Variants in CDH4 observed in about 807,000 individuals in gnomAD.
The protein encoded by CDH4 is cadherin 4, also known as cadherin-4.
A neutral mutation model predicts 86.0 loss-of-function variants in CDH4; 33 were observed. That is an observed-to-expected ratio of 0.38 (90% CI 0.29 to 0.51). The LOEUF (loss-of-function observed/expected upper bound fraction) is 0.51. CDH4 is among the 20% of genes least tolerant of loss of function. The pLI, the probability that CDH4 is intolerant of heterozygous loss-of-function variation, is 0.86. For synonymous variants in CDH4, 555 were observed against 549.4 expected, an observed-to-expected ratio of 1.01 and a Z score of -0.14; for missense variants, 1,114 against 1,307.4, an observed-to-expected ratio of 0.85 and a Z score of 2.28.
At chr20:61,750,689 G>A (rs6142677) in intron 3 of CDH4, among the ~76,000 whole-genome samples, 42,481 of 152,036 alleles carry the variant, frequency 0.28, 6,641 homozygotes, top group South Asian at 0.41. Flanking sequence ...TAGAATAAAT[G>A]AAACTGACAT....
intron 2 of CDH4, among the ~76,000 whole-genome samples, chr20:61,486,830 A>G (rs549196119): frequency 1.3e-5 from 2 of 152,300 alleles, no homozygotes; most frequent in South Asian, 4.2e-4. Flanking sequence ...TCAAGGTTCC[A>G]ATGAACTATG....
intron 2 of CDH4, among the ~76,000 whole-genome samples, chr20:61,315,766 C>T (rs1021420744): frequency 2.0e-5 from 3 of 152,186 alleles, no homozygotes; most frequent in Admixed American, 6.5e-5. Flanking sequence ...TGCAGTGGTG[C>T]GATCATAGCT....
rs1983905003 is a variant in CDH4, at chr20:61,873,795, G to A, written c.945G>A (p.Arg315=). The A allele has an allele frequency of 6.2e-7, 1 of 1,613,954 alleles. No individual in the cohort carries two copies. The highest frequency in any genetic ancestry group is 1.3e-5 in the African/African-American group (1 of 74,952). The change falls in exon 7 of 16, where the codon CGG becomes CGA. Residue 315 remains arginine, a synonymous_variant. Coordinates refer to ENST00000614565, the MANE Select transcript of CDH4 (RefSeq NM_001794.5). The part of the protein sequence containing the change: ...DDSTTANGMV[R]YRIVTQTPQS... Reference sequence around the variant, plus strand: ...GCACCACGGCCAACGGGATGGTGCGGTACCGGATCGTGACCCAGACCCCAC... The same window carrying A: ...GCACCACGGCCAACGGGATGGTGCGATACCGGATCGTGACCCAGACCCCAC...
chr20:61,851,535 C>T (rs536195243), intron 5 of CDH4, among the ~76,000 whole-genome samples: 5 of 152,330 alleles, frequency 3.3e-5, no homozygotes, highest in African/African-American at 1.2e-4. Flanking sequence ...CCACCCTGGG[C>T]TGGGTGATGT....
At position 61,377,525 on chromosome 20, in the gene CDH4, G is replaced by T. The variant is rs149750011; in HGVS notation, c.169+122588G>T. On this transcript the variant is annotated intron_variant, in intron 2 of 15. Transcript: ENST00000614565. This position sits in a 1 kb window ranked among gnomAD's most constrained non-coding sequence, Gnocchi z 4.0. ...TGTATAAAGAGGAGGCTGTGGTTAC[G>T]GTGACCTTCAAATGTCCTTGTTAAA... 1.3e-5 allele frequency among the ~76,000 whole-genome samples: 2 copies of T among 152,136 alleles called. No homozygotes were observed. Among genetic ancestry groups the T allele is most frequent in the African/African-American group, 4.8e-5 (2 of 41,434 alleles).
intron 2 of CDH4, among the ~76,000 whole-genome samples, chr20:61,598,287 C>T (rs2086571206): frequency 6.6e-6 from 1 of 151,998 alleles, no homozygotes; most frequent in East Asian, 1.9e-4. Flanking sequence ...CTGCCTGCTT[C>T]CCATGCCTGC....
chr20:61,324,274 A>G (rs138224833), intron 2 of CDH4, among the ~76,000 whole-genome samples: 1 of 152,336 alleles, frequency 6.6e-6, no homozygotes, highest in African/African-American at 2.4e-5. Flanking sequence ...GAATTTGAAT[A>G]TTAAATTGAA....
chr20:61,625,520 A>G (rs946627335), intron 2 of CDH4, among the ~76,000 whole-genome samples: 3 of 152,176 alleles, frequency 2.0e-5, no homozygotes, highest in African/African-American at 7.2e-5. Flanking sequence ...TAGGGTCAGG[A>G]ATAACGATCA....
chr20:61,542,017 G>A (rs893022266), intron 2 of CDH4, among the ~76,000 whole-genome samples: 1 of 152,174 alleles, frequency 6.6e-6, no homozygotes. Context: ...CCATTTAACT[G>A]ACCTTGAGCC....
At chr20:61,724,811 A>G (rs1434294377) in intron 2 of CDH4, among the ~76,000 whole-genome samples, 1 of 152,154 alleles carries the variant, frequency 6.6e-6, no homozygotes, top group Admixed American at 6.5e-5. Flanking sequence ...ATTTGTTTTT[A>G]ATTTAAAAAA....
rs1236336200 is a variant in CDH4, at chr20:61,623,668, G to A, written c.170-119895G>A. Among the ~76,000 whole-genome samples the A allele has an allele frequency of 6.6e-6, 1 of 152,130 alleles. No homozygotes were observed. The highest frequency in any genetic ancestry group is 2.1e-4 in the South Asian group (1 of 4,832). On this transcript the variant is annotated intron_variant, in intron 2 of 15. Coordinates refer to ENST00000614565, the MANE Select transcript of CDH4 (RefSeq NM_001794.5). This position sits in a 1 kb window ranked among gnomAD's most constrained non-coding sequence, Gnocchi z 4.4. ...CTGAGGGAGGTTCTGACGTCACCAC[G>A]CAGCCCTGGGGACCAGCCATCCCCA...
chr20:61,750,231 TC>T (rs1209271467), intron 3 of CDH4, among the ~76,000 whole-genome samples: 1 of 152,110 alleles, frequency 6.6e-6, no homozygotes, highest in Non-Finnish European at 1.5e-5. Context: ...ACAAGGCTGA[TC>T]AGACTGAGCA....
chr20:61,404,824 G>A (rs192544215), intron 2 of CDH4, among the ~76,000 whole-genome samples: 118 of 152,176 alleles, frequency 7.8e-4, no homozygotes, highest in Non-Finnish European at 1.5e-3. Flanking sequence ...GCTGAGGCAG[G>A]TGAATCATAA....
intron 2 of CDH4, among the ~76,000 whole-genome samples, chr20:61,661,714 G>A (rs73148369): frequency 0.056 from 8,550 of 152,150 alleles, 277 homozygotes; most frequent in East Asian, 0.14. Context: ...TTGCAAAGAC[G>A]TCACAGCCAC....
At chr20:61,745,085 G>C (rs138250226) in intron 3 of CDH4, among the ~76,000 whole-genome samples, 98 of 152,350 alleles carry the variant, frequency 6.4e-4, no homozygotes, top group African/African-American at 2.3e-3. Context: ...GGGGTCGTTT[G>C]AGATACGGTG....
intron 4 of CDH4, among the ~76,000 whole-genome samples, chr20:61,839,730 G>T (rs987817244): frequency 1.2e-4 from 18 of 151,668 alleles, no homozygotes; most frequent in Non-Finnish European, 1.5e-5. Flanking sequence ...TTGAGTGTGT[G>T]TGTTGTGTGT....
At chr20:61,435,580 G>A (rs1348114614) in intron 2 of CDH4, 1 of 152,430 alleles carries the variant, frequency 6.6e-6, no homozygotes, top group Non-Finnish European at 1.5e-5. Context: ...CTCCGAGGAG[G>A]AAGTAGGAGA....
chr20:61,385,395 T>C (rs530666572), intron 2 of CDH4, among the ~76,000 whole-genome samples: 38 of 152,046 alleles, frequency 2.5e-4, no homozygotes, highest in African/African-American at 8.4e-4. Context: ...GATCAGGAGG[T>C]TGGCAAATCC....
intron 2 of CDH4, among the ~76,000 whole-genome samples, chr20:61,257,379 A>C (rs1161998118): frequency 1.3e-5 from 2 of 152,252 alleles, no homozygotes; most frequent in Non-Finnish European, 2.9e-5. Flanking sequence ...GCATTCTAAA[A>C]ATTTCATGCT....
Sources: gnomAD v4.1 joint callset for allele counts (sites outside exome capture counted in the v4.1 genomes callset) on GRCh38, gnomAD v4.1.1 for gene constraint, Gnocchi (gnomAD v3.1) non-coding constraint, MANE v1.5 for transcripts, NCBI Gene and HGNC (gene_info 2026-07-23, HGNC 2026-07-21) for gene names.